The following DPP10 variants were observed in gnomAD, a reference collection of about 807,000 sequenced individuals.
DPP10 encodes the protein dipeptidyl peptidase like 10.
A neutral mutation model predicts 120.9 loss-of-function variants in DPP10; 33 were observed. That is an observed-to-expected ratio of 0.27 (90% CI 0.21 to 0.37). The LOEUF is 0.37. DPP10 is among the 10% of genes least tolerant of loss of function. The pLI, the probability that DPP10 is intolerant of heterozygous loss-of-function variation, is 1.00. For synonymous variants in DPP10, 337 were observed against 326.1 expected (o/e 1.03, Z -0.36); for missense variants, 816 against 942.8 (o/e 0.87, Z 1.76).
chr2:115,610,268 G>T (rs933295115), intron 5 of DPP10, among the ~76,000 whole-genome samples: 1 of 152,058 alleles, frequency 6.6e-6, no homozygotes, highest in Non-Finnish European at 1.5e-5. Flanking sequence ...AAGATATGGC[G>T]GCTGCATTTC....
At chr2:115,351,107 C>T (rs968950156) in intron 3 of DPP10, among the ~76,000 whole-genome samples, 1 of 151,996 alleles carries the variant, frequency 6.6e-6, no homozygotes, top group African/African-American at 2.4e-5. Context: ...ATAGCAAAGA[C>T]CTGAAATCAA....
intron 5 of DPP10, among the ~76,000 whole-genome samples, chr2:115,587,058 T>C (rs2082330017): frequency 2.0e-5 from 3 of 151,664 alleles, no homozygotes; most frequent in East Asian, 3.9e-4. Flanking sequence ...TGACCAACAT[T>C]GTCCTTTTTT....
intron 24 of DPP10, among the ~76,000 whole-genome samples, chr2:115,839,673 C>CAAAA (rs57734176): frequency 1.3e-4 from 12 of 90,498 alleles, no homozygotes; most frequent in East Asian, 4.0e-4. Flanking sequence ...GACTCCATCT[C>CAAAA]AAAAAAAAAA....
intron 5 of DPP10, among the ~76,000 whole-genome samples, chr2:115,559,603 A>G (rs1052843725): frequency 1.3e-5 from 2 of 152,086 alleles, no homozygotes; most frequent in Non-Finnish European, 2.9e-5. Flanking sequence ...ATTAGACTTC[A>G]GTTTTGTTTC....
intron 3 of DPP10, among the ~76,000 whole-genome samples, chr2:115,352,349 A>G (rs2064089446): frequency 6.6e-6 from 1 of 152,204 alleles, no homozygotes; most frequent in East Asian, 1.9e-4. Context: ...TGTGCTCTGC[A>G]CAGAGCTTCA....
chr2:115,408,478 T>G (rs1559557708), intron 3 of DPP10, among the ~76,000 whole-genome samples: 1 of 152,140 alleles, frequency 6.6e-6, no homozygotes, highest in Non-Finnish European at 1.5e-5. Flanking sequence ...CAACTGGATC[T>G]AGTTGACATC....
intron 1 of DPP10, among the ~76,000 whole-genome samples, chr2:114,803,619 C>T (rs1228418551): frequency 6.6e-6 from 1 of 152,080 alleles, no homozygotes; most frequent in East Asian, 1.9e-4. Flanking sequence ...TATGTTTTAG[C>T]AAAGAGACTG....
At chr2:115,076,577 T>C (rs1321189978) in intron 1 of DPP10, among the ~76,000 whole-genome samples, 1 of 152,184 alleles carries the variant, frequency 6.6e-6, no homozygotes, top group African/African-American at 2.4e-5. Flanking sequence ...TTAACGTTTA[T>C]CGAAATAGCA....
rs114025706 is a variant in DPP10, at chr2:114,732,971, C to G, written c.60+290133C>G. Among the ~76,000 whole-genome samples the G allele has an allele frequency of 8.6e-3, 1,311 of 152,276 alleles. 22 individuals carry two copies. Among genetic ancestry groups the G allele is most frequent in the African/African-American group, 0.03 (1,236 of 41,552 alleles). On this transcript the variant is annotated intron_variant, in intron 1 of 25. Coordinates refer to ENST00000410059, the MANE Select transcript of DPP10 (RefSeq NM_020868.6). ...TCTATCTGACGTCAGAGTCTATGCT[C>G]TATTTCACTGCACCCACTGCTGCCT...
intron 1 of DPP10, among the ~76,000 whole-genome samples, chr2:115,289,503 AAG>A (rs1559371336): frequency 1.0e-5 from 1 of 96,268 alleles, no homozygotes. Context: ...AAAAAAAAAA[AAG>A]GAAGAAAAGA....
chr2:115,156,945 G>T (rs924734267), intron 1 of DPP10, among the ~76,000 whole-genome samples: 11 of 151,976 alleles, frequency 7.2e-5, no homozygotes, highest in African/African-American at 2.4e-4. Context: ...ATGATGGAAG[G>T]TTTTCTTTTT....
intron 3 of DPP10, among the ~76,000 whole-genome samples, chr2:115,355,040 A>G (rs1380670122): frequency 6.6e-6 from 1 of 152,180 alleles, no homozygotes; most frequent in Non-Finnish European, 1.5e-5. Flanking sequence ...TAGTAGAATG[A>G]TTTATAATCT....
At chr2:115,012,463 G>T (rs573004965) in intron 1 of DPP10, among the ~76,000 whole-genome samples, 9 of 152,186 alleles carry the variant, frequency 5.9e-5, no homozygotes, top group African/African-American at 2.2e-4. Flanking sequence ...CAAAGCAGGC[G>T]TTGGTATCCA....
intron 3 of DPP10, among the ~76,000 whole-genome samples, chr2:115,354,123 G>A (rs942577071): frequency 6.6e-6 from 1 of 151,960 alleles, no homozygotes; most frequent in Non-Finnish European, 1.5e-5. Flanking sequence ...CTGAAACTTA[G>A]GACATATTTT....
At chr2:115,785,960 T>G (rs1683297917) in intron 17 of DPP10, among the ~76,000 whole-genome samples, 1 of 152,088 alleles carries the variant, frequency 6.6e-6, no homozygotes, top group Non-Finnish European at 1.5e-5. Context: ...ATAGCTTCTT[T>G]GGAAATACAC....
chr2:115,235,633 C>T (rs1219603383), intron 1 of DPP10, among the ~76,000 whole-genome samples: 1 of 152,088 alleles, frequency 6.6e-6, no homozygotes, highest in African/African-American at 2.4e-5. Context: ...GCAATCCCAG[C>T]TCACTGCAAC....
chr2:115,209,162 A>G (rs1025019730), intron 1 of DPP10, among the ~76,000 whole-genome samples: 4 of 152,144 alleles, frequency 2.6e-5, no homozygotes, highest in Non-Finnish European at 5.9e-5. Flanking sequence ...CCTCAGGTTT[A>G]AGCTGTAATC....
intron 1 of DPP10, among the ~76,000 whole-genome samples, chr2:114,578,548 C>A (rs759230521): frequency 6.6e-6 from 1 of 152,120 alleles, no homozygotes; most frequent in Non-Finnish European, 1.5e-5. Context: ...CATTTAAATG[C>A]AAAATGGAGT....
intron 1 of DPP10, among the ~76,000 whole-genome samples, chr2:115,297,691 G>A (rs1298656830): frequency 6.6e-6 from 1 of 152,026 alleles, no homozygotes. Context: ...ACTTCTAGAT[G>A]ATTGGGCTGC....
Sources: gnomAD v4.1 joint callset for allele counts (sites outside exome capture counted in the v4.1 genomes callset) on GRCh38, gnomAD v4.1.1 for gene constraint, MANE v1.5 for transcripts, NCBI Gene and HGNC (gene_info 2026-07-23, HGNC 2026-07-21) for gene names.